VPS13B: variants seen among roughly 807,000 people sequenced by gnomAD.
VPS13B encodes the protein vacuolar protein sorting 13 homolog B.
Under a neutral mutation model 426.4 loss-of-function variants are expected in VPS13B, and 285 were observed. The observed-to-expected ratio is 0.67, with a 90% CI of 0.61 to 0.74. The LOEUF (loss-of-function observed/expected upper bound fraction) is 0.74, where lower values mean the gene tolerates loss of function less well. Ranked by LOEUF, VPS13B falls within the 30% of genes least tolerant of loss-of-function variation. The probability of loss-of-function intolerance (pLI) is 0.00; values close to 1 mark genes in which losing one functional copy is unlikely to be tolerated. For synonymous variants in VPS13B, 1,676 were observed against 1,676.4 expected (o/e 1.00, Z 0.01); for missense variants, 4,537 against 4,782.6 (o/e 0.95, Z 1.51).
chr8:99,471,632 A>C (rs1041308400), intron 24 of VPS13B, among the ~76,000 whole-genome samples: 1 of 152,202 alleles, frequency 6.6e-6, no homozygotes, highest in Non-Finnish European at 1.5e-5. Context: ...AGGGTAAAAC[A>C]GTACAAAAAA....
intron 27 of VPS13B, 105 bp downstream of exon 27, chr8:99,503,055 A>C (rs550251651): frequency 2.5e-6 from 2 of 793,028 alleles, no homozygotes; most frequent in Non-Finnish European, 4.2e-6. Flanking sequence ...AATAAATACT[A>C]TACAGGCATA....
intron 23 of VPS13B, among the ~76,000 whole-genome samples, chr8:99,447,885 A>G (rs990352938): frequency 6.6e-6 from 1 of 151,880 alleles, no homozygotes; most frequent in African/African-American, 2.4e-5. Flanking sequence ...GTCTTTTCAA[A>G]TGATTTTATA....
chr8:99,829,980 C>T (rs1056070507), intron 51 of VPS13B, among the ~76,000 whole-genome samples: 1 of 152,202 alleles, frequency 6.6e-6, no homozygotes, highest in African/African-American at 2.4e-5. Context: ...AGCTTTATCC[C>T]AGAGGGGCAC....
Position 99,870,883 on chromosome 8 carries a change from G to A in VPS13B, c.11491G>A (p.Val3831Ile), listed in dbSNP as rs752506829. ...GGCTCCAAACAGCCATGTCAAATATGTCTGGTAAAATTATTGAGATACGTG... is the reference window on the plus strand; with the variant it reads ...GGCTCCAAACAGCCATGTCAAATATATCTGGTAAAATTATTGAGATACGTG... ...DQAPNSHVKY[V>I]WKMLQSLGRP... The change falls in exon 60 of 62, where the codon GTC becomes ATC. Residue 3831 changes from valine (V) to isoleucine (I), a missense_variant. Val to Ile is a conservative substitution (Grantham distance 29). Around this residue, in one of 2 missense-constraint regions of VPS13B, gnomAD observed 4,311 missense variants for 4,474.3 expected, o/e 0.96. Coordinates refer to ENST00000357162, the MANE Select transcript of VPS13B (RefSeq NM_152564.5). 9 of 1,613,888 alleles carry A rather than the reference G, an allele frequency of 5.6e-6. No individual in the cohort carries two copies. Among genetic ancestry groups the A allele is most frequent in the Admixed American group, 1.7e-5 (1 of 60,004 alleles).
rs542106133 is a variant in VPS13B, at chr8:99,270,638, C to T, written c.2516-3560C>T. Among the ~76,000 whole-genome samples, 12 of 152,066 alleles carry T rather than the reference C, an allele frequency of 7.9e-5. No homozygotes were observed. The South Asian group carries it at 2.1e-3, about 26-fold the overall frequency. The stretch of plus-strand genomic sequence containing the variant: ...CATATTCTTTTGCTCTTGTATATAC[C>T]GGAAACTAATTCAGATTTTTGGTTC... On this transcript the variant is annotated intron_variant, in intron 17 of 61. Coordinates refer to ENST00000357162, the MANE Select transcript of VPS13B (RefSeq NM_152564.5).
intron 19 of VPS13B, among the ~76,000 whole-genome samples, chr8:99,366,618 A>G (rs1812910415): frequency 6.6e-6 from 1 of 151,392 alleles, no homozygotes; most frequent in African/African-American, 2.4e-5. Context: ...TTGATAAGTA[A>G]AGACTTTCTT....
At chr8:99,658,276 G>A (rs1382433471) in intron 34 of VPS13B, among the ~76,000 whole-genome samples, 5 of 152,084 alleles carry the variant, frequency 3.3e-5, no homozygotes, top group Non-Finnish European at 7.4e-5. Context: ...TTCACGTGAG[G>A]AAGGCTTTGC....
intron 39 of VPS13B, among the ~76,000 whole-genome samples, chr8:99,747,489 C>T (rs1027631328): frequency 6.6e-6 from 1 of 151,950 alleles, no homozygotes; most frequent in African/African-American, 2.4e-5. Flanking sequence ...CAGATTGTAC[C>T]TTTTAGAGAA....
intron 22 of VPS13B, among the ~76,000 whole-genome samples, chr8:99,441,772 A>T (rs969596583): frequency 2.0e-5 from 3 of 152,148 alleles, no homozygotes; most frequent in Admixed American, 6.5e-5. Flanking sequence ...TTGAAGAATG[A>T]AAAAAGCAAG....
chr8:99,128,126 C>G (rs185161575), intron 8 of VPS13B, among the ~76,000 whole-genome samples: 1 of 151,980 alleles, frequency 6.6e-6, no homozygotes. Flanking sequence ...CATGATGGCT[C>G]ACACCTGTAA....
Position 99,817,722 on chromosome 8 carries a change from T to C in VPS13B, c.8280T>C (p.Cys2760=), listed in dbSNP as rs145090492. ...ILENNELTEL[C]VKAKGDEDWS... ...AAAACAATGAACTGACGGAGCTGTG[T>C]GTGAAGGCCAAAGGAGATGAAGACT... The change falls in exon 45 of 62, where the codon TGT becomes TGC. Residue 2760 remains cysteine, a synonymous_variant. Coordinates refer to ENST00000357162, the MANE Select transcript of VPS13B (RefSeq NM_152564.5). 51 of 1,613,910 alleles carry C rather than the reference T, an allele frequency of 3.2e-5. No homozygotes were observed. In the African/African-American group the frequency reaches 5.6e-4, roughly 18 times the overall value.
At chr8:99,587,141 A>C (rs992605578) in intron 33 of VPS13B, among the ~76,000 whole-genome samples, 2 of 152,188 alleles carry the variant, frequency 1.3e-5, no homozygotes, top group Non-Finnish European at 2.9e-5. Flanking sequence ...GTTGCTACAA[A>C]GGACATGAAC....
intron 21 of VPS13B, among the ~76,000 whole-genome samples, chr8:99,418,612 C>T (rs1216431007): frequency 6.6e-6 from 1 of 151,088 alleles, no homozygotes; most frequent in Non-Finnish European, 1.5e-5. Flanking sequence ...GCATTGGTCC[C>T]ATCTCAGCTC....
intron 24 of VPS13B, among the ~76,000 whole-genome samples, chr8:99,478,303 T>C (rs1023000309): frequency 6.6e-6 from 1 of 151,796 alleles, no homozygotes; most frequent in Non-Finnish European, 1.5e-5. Flanking sequence ...TTTTTATTGC[T>C]GTTATGTTGA....
intron 2 of VPS13B, among the ~76,000 whole-genome samples, chr8:99,034,211 T>G (rs537349161): frequency 1.3e-3 from 194 of 152,322 alleles, no homozygotes; most frequent in African/African-American, 4.3e-3. Context: ...TGCCTTCTGA[T>G]TTCTCTGCTC....
At chr8:99,466,903 A>C (rs1819138546) in intron 23 of VPS13B, among the ~76,000 whole-genome samples, 1 of 152,168 alleles carries the variant, frequency 6.6e-6, no homozygotes, top group Non-Finnish European at 1.5e-5. Flanking sequence ...CATTTTCAGT[A>C]CCATAGATAA....
intron 22 of VPS13B, among the ~76,000 whole-genome samples, chr8:99,439,590 G>A (rs1817580535): frequency 6.6e-6 from 1 of 151,966 alleles, no homozygotes; most frequent in Non-Finnish European, 1.5e-5. Flanking sequence ...TGGTACTGTA[G>A]AAATTATGCA....
intron 40 of VPS13B, among the ~76,000 whole-genome samples, chr8:99,771,692 A>G (rs565967186): frequency 8.0e-5 from 12 of 150,234 alleles, no homozygotes. Context: ...TGCTGGTTGA[A>G]CTCTCTCCTC....
At chr8:99,720,014 T>G (rs1833074256) in intron 37 of VPS13B, among the ~76,000 whole-genome samples, 1 of 152,192 alleles carries the variant, frequency 6.6e-6, no homozygotes, top group African/African-American at 2.4e-5. Context: ...GGATCTTCAT[T>G]GCCTTCTCTC....
Sources: gnomAD v4.1 joint callset for allele counts (sites outside exome capture counted in the v4.1 genomes callset) on GRCh38, gnomAD v4.1.1 for gene constraint, gnomAD v4.1.1 regional missense constraint, MANE v1.5 for transcripts, NCBI Gene and HGNC (gene_info 2026-07-23, HGNC 2026-07-21) for gene names.